Variants in NBAS observed in about 807,000 individuals in gnomAD.
NBAS encodes the protein NAG/BC035112 fusion.
Under a neutral mutation model 302.5 loss-of-function variants are expected in NBAS, and 219 were observed. The observed-to-expected ratio is 0.72, with a 90% CI of 0.65 to 0.81. The LOEUF is 0.81. NBAS is among the 30% of genes least tolerant of loss of function. NBAS has a pLI of 0.00. For synonymous variants in NBAS, 1,118 were observed against 1,021.6 expected, an observed-to-expected ratio of 1.09 and a Z score of -1.80; for missense variants, 2,932 against 2,841.6, an observed-to-expected ratio of 1.03 and a Z score of -0.72.
At chr2:15,416,524 C>A (rs1326716841) in intron 24 of NBAS, among the ~76,000 whole-genome samples, 1 of 151,984 alleles carries the variant, frequency 6.6e-6, no homozygotes, top group Non-Finnish European at 1.5e-5. Context: ...GGAAGATAAG[C>A]CAGGAGAGGT....
At chr2:15,199,812 T>C (rs1044018112) in intron 48 of NBAS, among the ~76,000 whole-genome samples, 1 of 152,006 alleles carries the variant, frequency 6.6e-6, no homozygotes, top group African/African-American at 2.4e-5. Flanking sequence ...CTGGCAAAGA[T>C]TGGTGCATAG....
chr2:15,106,262 G>A, the NBAS span, among the ~76,000 whole-genome samples: 2 of 152,142 alleles, frequency 1.3e-5, no homozygotes, highest in Non-Finnish European at 2.9e-5. Context: ...CTTGGGGTGA[G>A]GAAGATTCAC....
At chr2:14,976,368 T>C in the NBAS span, among the ~76,000 whole-genome samples, 1 of 152,274 alleles carries the variant, frequency 6.6e-6, no homozygotes, top group East Asian at 1.9e-4. Context: ...GCATAAGGGA[T>C]TTCTGTACGT....
At chr2:14,944,736 GAA>G in the NBAS span, among the ~76,000 whole-genome samples, 8 of 141,406 alleles carry the variant, frequency 5.7e-5, no homozygotes, top group Admixed American at 2.8e-4. Context: ...AAAAGTGAAA[GAA>G]AAAAAAAAAA....
chr2:14,982,462 G>A, the NBAS span, among the ~76,000 whole-genome samples: 16 of 152,202 alleles, frequency 1.1e-4, no homozygotes, highest in Middle Eastern at 6.8e-3. Flanking sequence ...AGGAAGACAC[G>A]GAGTCCAGGA....
At chr2:14,911,230 C>T in the NBAS span, among the ~76,000 whole-genome samples, 2 of 152,208 alleles carry the variant, frequency 1.3e-5, no homozygotes, top group Non-Finnish European at 2.9e-5. Flanking sequence ...TCTGAAGGAG[C>T]TGCGAAAAAG....
chr2:15,118,911 C>T, the NBAS span, among the ~76,000 whole-genome samples: 1 of 152,224 alleles, frequency 6.6e-6, no homozygotes, highest in African/African-American at 2.4e-5. Flanking sequence ...CAGCAATTCA[C>T]AACTAAACAA....
the NBAS span, among the ~76,000 whole-genome samples, chr2:15,034,026 AGAG>A: frequency 2.0e-5 from 1 of 50,082 alleles, no homozygotes; most frequent in African/African-American, 8.4e-5. Context: ...AAGAAGAAGA[AGAG>A]GAGGAGGAAG....
chr2:15,167,927 G>A (rs1049166297), intron 51 of NBAS, among the ~76,000 whole-genome samples: 12 of 152,202 alleles, frequency 7.9e-5, no homozygotes, highest in Admixed American at 5.2e-4. Context: ...ACTGATACGA[G>A]TAAGATAACC....
rs1362851295 is a variant in NBAS, at chr2:15,443,511, T to G, written c.2340-15717A>C. Among the ~76,000 whole-genome samples, 11 of 151,680 alleles carry G rather than the reference T, an allele frequency of 7.3e-5. No individual in the cohort carries two copies. The South Asian group carries it at 1.0e-3, about 14-fold the overall frequency. ...ATTGATGGGACGTATCTCAAAATAATAAGAGCTATCTATGACAAACCCACA... is the reference window on the plus strand; with the variant it reads ...ATTGATGGGACGTATCTCAAAATAAGAAGAGCTATCTATGACAAACCCACA... On this transcript the variant is annotated intron_variant, in intron 21 of 51. Coordinates refer to ENST00000281513, the MANE Select transcript of NBAS (RefSeq NM_015909.4).
the NBAS span, among the ~76,000 whole-genome samples, chr2:14,816,054 G>A: frequency 6.6e-6 from 1 of 151,996 alleles, no homozygotes; most frequent in Non-Finnish European, 1.5e-5. Context: ...CCTCTCTACT[G>A]CATCCAAAAT....
intron 11 of NBAS, among the ~76,000 whole-genome samples, chr2:15,496,363 T>C (rs922892782): frequency 6.6e-6 from 1 of 151,988 alleles, no homozygotes; most frequent in African/African-American, 2.4e-5. Context: ...GGATGCAGGG[T>C]TTTTTTCCAG....
chr2:14,963,309 T>C, the NBAS span, among the ~76,000 whole-genome samples: 2 of 152,136 alleles, frequency 1.3e-5, no homozygotes, highest in Non-Finnish European at 2.9e-5. Flanking sequence ...AAAGTTCCTA[T>C]GGGAATACAA....
At chr2:15,060,731 C>G in the NBAS span, among the ~76,000 whole-genome samples, 1 of 152,168 alleles carries the variant, frequency 6.6e-6, no homozygotes, top group Non-Finnish European at 1.5e-5. Context: ...TGTAAGCTCT[C>G]TGAGCCTCAA....
In NBAS at chr2:15,308,211, C is replaced by A; in HGVS notation, c.4797+5G>T. 3 of 1,614,146 alleles carry A rather than the reference C, an allele frequency of 1.9e-6. No homozygotes were observed. Among genetic ancestry groups the A allele is most frequent in the Non-Finnish European group, 2.5e-6 (3 of 1,180,012 alleles). Reference sequence around the variant, plus strand: ...AATAATAAGCTGGAAATCATGAAGACTCACCCTGTAAAGAGGATGGCACTT... The same window carrying A: ...AATAATAAGCTGGAAATCATGAAGAATCACCCTGTAAAGAGGATGGCACTT... On this transcript the variant is annotated splice_donor_5th_base_variant and intron_variant, in intron 40 of 51. Transcript: ENST00000281513.
intron 9 of NBAS, among the ~76,000 whole-genome samples, chr2:15,517,351 A>T (rs1662447420): frequency 6.6e-6 from 1 of 152,218 alleles, no homozygotes; most frequent in African/African-American, 2.4e-5. Flanking sequence ...GGATGGACAA[A>T]TAACCAAATT....
At chr2:15,287,227 C>T in intron 41 of NBAS, 44 bp from the exon 42 acceptor site, 1 of 1,493,016 alleles carries the variant, frequency 6.7e-7, no homozygotes, top group Non-Finnish European at 9.3e-7. Context: ...AGAGGAGAAA[C>T]ACATGACTTC....
At chr2:14,935,019 T>C in the NBAS span, among the ~76,000 whole-genome samples, 1 of 152,182 alleles carries the variant, frequency 6.6e-6, no homozygotes, top group African/African-American at 2.4e-5. Context: ...AGGATATATA[T>C]TTTTCTATTA....
chr2:15,353,736 G>T (rs1558263883), intron 33 of NBAS, 26 bp from the exon 34 acceptor site: 1 of 1,613,664 alleles, frequency 6.2e-7, no homozygotes, highest in African/African-American at 1.3e-5. Flanking sequence ...GGAAAAAAAT[G>T]ATTCCCAAAA....
Sources: gnomAD v4.1 joint callset for allele counts (sites outside exome capture counted in the v4.1 genomes callset) on GRCh38, gnomAD v4.1.1 for gene constraint, MANE v1.5 for transcripts, NCBI Gene and HGNC (gene_info 2026-07-23, HGNC 2026-07-21) for gene names.